PRC1: variants seen among roughly 807,000 people sequenced by gnomAD.
PRC1 encodes anaphase spindle elongation 1 homolog.
In PRC1, 54 loss-of-function variants were observed where a neutral mutation model predicts 91.2. The ratio of observed to expected loss-of-function variants is 0.59; its 90% CI spans 0.48 to 0.74. PRC1 has a LOEUF of 0.74. Among genes scored for constraint, PRC1 ranks in the 30% least tolerant of loss-of-function variants. The pLI is 0.00. For synonymous variants in PRC1, 275 were observed against 263.6 expected, an observed-to-expected ratio of 1.04 and a Z score of -0.42; for missense variants, 727 against 746.2, an observed-to-expected ratio of 0.97 and a Z score of 0.30.
At chr15:90,975,439 C>T (rs2038594202) in intron 9 of PRC1, among the ~76,000 whole-genome samples, 1 of 152,136 alleles carries the variant, frequency 6.6e-6, no homozygotes, top group Non-Finnish European at 1.5e-5. Flanking sequence ...GGAAAGAATA[C>T]CGACCTCATA....
At chr15:90,986,796 G>A (rs573262105) in intron 1 of PRC1, among the ~76,000 whole-genome samples, 1 of 151,610 alleles carries the variant, frequency 6.6e-6, no homozygotes, top group Non-Finnish European at 1.5e-5. Flanking sequence ...TGTAAAGCGA[G>A]TCTGTTTTAC....
At position 90,973,584 on chromosome 15, in the gene PRC1, G is replaced by A. The variant is rs184980602; in HGVS notation, c.1461+552C>T. Among the ~76,000 whole-genome samples the A allele has an allele frequency of 2.6e-5, 4 of 152,230 alleles. No individual in the cohort carries two copies. The East Asian group carries it at 5.8e-4, about 22-fold the overall frequency. On this transcript the variant is annotated intron_variant, in intron 11 of 14. Transcript: ENST00000394249. ...CCGTCTCCTGCATGCCCCTGGGAAC[G>A]GAATATCTCGGTGTAAAACCCGATC...
intron 14 of PRC1, chr15:90,967,882 C>T: frequency 1.3e-5 from 13 of 985,460 alleles, no homozygotes; most frequent in Non-Finnish European, 1.6e-5. Context: ...AAGTAGGCAA[C>T]AAGCTTTGGT....
At position 90,981,737 on chromosome 15, in the gene PRC1, A is replaced by G; in HGVS notation, c.501+11T>C. The G allele has an allele frequency of 6.2e-7, 1 of 1,609,536 alleles. No individual in the cohort carries two copies. The highest frequency in any genetic ancestry group is 2.2e-5 in the East Asian group (1 of 44,780). On this transcript the variant is annotated intron_variant, in intron 4 of 14. Transcript: ENST00000394249. ...AGTGACTTTTAGGAAGAACAAATGTAGGCAGTGTACCTTTGTTTCCCTCAA... is the reference window on the plus strand; with the variant it reads ...AGTGACTTTTAGGAAGAACAAATGTGGGCAGTGTACCTTTGTTTCCCTCAA...
At chr15:90,968,949 G>C in intron 14 of PRC1, 130 bp downstream of exon 14, 1 of 1,513,114 alleles carries the variant, frequency 6.6e-7, no homozygotes, top group East Asian at 2.4e-5. Flanking sequence ...TTGAGTCCAT[G>C]ATAGGAATTC....
intron 14 of PRC1, chr15:90,968,658 C>T (rs2037760417): frequency 9.9e-7 from 1 of 1,011,556 alleles, no homozygotes; most frequent in Non-Finnish European, 1.2e-6. Context: ...GGCGGTTAAG[C>T]CCTGAGGGGT....
chr15:90,979,607 G>C (rs1453129994), intron 7 of PRC1, among the ~76,000 whole-genome samples: 1 of 152,218 alleles, frequency 6.6e-6, no homozygotes, highest in East Asian at 1.9e-4. Context: ...AGCCAGTAGA[G>C]GGGTGGATCA....
intron 1 of PRC1, chr15:90,988,222 A>C (rs1229488980): frequency 2.6e-5 from 4 of 152,180 alleles, no homozygotes; most frequent in Admixed American, 2.6e-4. Flanking sequence ...TAATATTACC[A>C]TTTTATTAAA....
intron 3 of PRC1, 122 bp downstream of exon 3, chr15:90,983,896 C>T (rs1567199947): frequency 1.5e-6 from 2 of 1,318,660 alleles, no homozygotes; most frequent in Non-Finnish European, 2.1e-6. Flanking sequence ...ATGTTTTCCC[C>T]ACTTCTTACG....
intron 11 of PRC1, chr15:90,972,936 C>G (rs1284944643): frequency 6.6e-6 from 1 of 152,266 alleles, no homozygotes; most frequent in Admixed American, 6.5e-5. Context: ...GGCAATCATT[C>G]CCCCACCGCA....
intron 13 of PRC1, 92 bp downstream of exon 13, chr15:90,969,355 A>G: frequency 1.4e-6 from 2 of 1,450,000 alleles, no homozygotes; most frequent in South Asian, 2.6e-5. Flanking sequence ...TAGCTGCCCT[A>G]GCTAATAGCC....
chr15:90,994,348 C>T, intron 1 of PRC1, 59 bp downstream of exon 1: 1 of 1,611,638 alleles, frequency 6.2e-7, no homozygotes, highest in South Asian at 1.1e-5. Context: ...GAACAGGCCC[C>T]GCAGCCGAAA....
intron 8 of PRC1, 129 bp from the exon 9 acceptor site, chr15:90,976,900 GCGAGT>G: frequency 2.9e-6 from 2 of 680,110 alleles, no homozygotes; most frequent in East Asian, 5.8e-5. Flanking sequence ...GGAGGCCGAG[GCGAGT>G]GGATCACCTG....
chr15:90,977,576 GTTTTTT>G (rs777558725), intron 8 of PRC1, among the ~76,000 whole-genome samples: 8 of 95,478 alleles, frequency 8.4e-5, no homozygotes, highest in South Asian at 3.7e-4. Flanking sequence ...CCTTATTTAC[GTTTTTT>G]TTTTTTTTTT....
chr15:90,972,027 C>CA (rs1035843958), intron 11 of PRC1, among the ~76,000 whole-genome samples: 1 of 148,052 alleles, frequency 6.8e-6, no homozygotes, highest in Non-Finnish European at 1.5e-5. Flanking sequence ...GACTCCGTCT[C>CA]AAAAAAACAA....
intron 1 of PRC1, chr15:90,988,246 AT>A (rs1194218500): frequency 3.9e-5 from 6 of 152,206 alleles, no homozygotes; most frequent in Non-Finnish European, 8.8e-5. Flanking sequence ...AACTTTTAAG[AT>A]CCAATCTGTG....
At chr15:90,977,576 G>GTTTT (rs777558725) in intron 8 of PRC1, among the ~76,000 whole-genome samples, 60 of 95,478 alleles carry the variant, frequency 6.3e-4, no homozygotes, top group East Asian at 1.4e-3. Context: ...CCTTATTTAC[G>GTTTT]TTTTTTTTTT....
Position 90,978,386 on chromosome 15 carries a change from AGAGCCGGGAAGAGCTCTT to A in PRC1, c.1107+754_1107+771del, listed in dbSNP as rs369314359. ...GCATGTGAGCCACGGTGCTGTGAAGAGAGCCGGGAAGAGCTCTTGAAGGAGTGAGGGGCAATGCCTTCT... is the reference window on the plus strand; with the variant it reads ...GCATGTGAGCCACGGTGCTGTGAAGAGAAGGAGTGAGGGGCAATGCCTTCT... On this transcript the variant is annotated intron_variant, in intron 8 of 14. Transcript: ENST00000394249. 3.3e-3 allele frequency among the ~76,000 whole-genome samples: 495 copies of A among 152,280 alleles called. 4 individuals carry two copies. The highest frequency in any genetic ancestry group is 0.01 in the African/African-American group (424 of 41,554).
chr15:90,974,061 C>T lies in PRC1; in HGVS notation c.1461+75G>A. 1 of 1,247,378 alleles carries T rather than the reference C, an allele frequency of 8.0e-7. No homozygotes were observed. Among genetic ancestry groups the T allele is most frequent in the Non-Finnish European group, 1.2e-6 (1 of 851,830 alleles). The allele number at this position is 1,247,378 out of a possible 1,614,324, so 77.3% of individuals were successfully genotyped here. On this transcript the variant is annotated intron_variant, in intron 11 of 14. Coordinates refer to ENST00000394249, the MANE Select transcript of PRC1 (RefSeq NM_003981.4). This position sits in a 1 kb window ranked among gnomAD's most constrained non-coding sequence, Gnocchi z 4.6. ...TACCCACAGGTGTGGAGGGGCTGGC[C>T]CCCTTCAAAGAGGTGGCTGGGACTA...
Sources: allele counts gnomAD v4.1 joint callset (sites outside exome capture counted in the v4.1 genomes callset), GRCh38; gene constraint gnomAD v4.1.1; non-coding constraint Gnocchi (gnomAD v3.1); transcripts MANE v1.5; gene names NCBI Gene and HGNC (gene_info 2026-07-23, HGNC 2026-07-21).